Variants in VANGL2 observed in about 807,000 individuals in gnomAD.
VANGL2 encodes the protein VANGL planar cell polarity protein 2.
VANGL2 carries 14 observed loss-of-function variants against 50.2 expected under a neutral mutation model. That is an observed-to-expected ratio of 0.28 (90% CI 0.18 to 0.44). The LOEUF (loss-of-function observed/expected upper bound fraction) is 0.44. Ranked by LOEUF, VANGL2 falls within the 20% of genes least tolerant of loss-of-function variation. The probability of loss-of-function intolerance (pLI) is 1.00; values close to 1 mark genes in which losing one functional copy is unlikely to be tolerated. For synonymous variants in VANGL2, 295 were observed against 297.2 expected (o/e 0.99, Z 0.08); for missense variants, 533 against 701.5 (o/e 0.76, Z 2.71).
chr1:160,405,143 G>A (rs563387218), intron 1 of VANGL2, among the ~76,000 whole-genome samples: 52 of 152,194 alleles, frequency 3.4e-4, no homozygotes, highest in Middle Eastern at 6.8e-3. Flanking sequence ...TCCTTGTGGG[G>A]AGCCATCTCC....
At chr1:160,401,889 C>T (rs1650477348) in intron 1 of VANGL2, among the ~76,000 whole-genome samples, 1 of 151,548 alleles carries the variant, frequency 6.6e-6, no homozygotes, top group South Asian at 2.1e-4. Flanking sequence ...TTGTGTGTAA[C>T]CTGTGTTGAT....
Position 160,425,132 on chromosome 1 carries a change from A to G in VANGL2, c.1320A>G (p.Arg440=). The change falls in exon 8 of 8, where the codon CGA becomes CGG. Residue 440 remains arginine (R), a synonymous_variant. Coordinates refer to ENST00000368061, the MANE Select transcript of VANGL2 (RefSeq NM_020335.3). ...TTCCACTTCAGGCCTTCTTGGAGCG[A>G]TACTTGGCGGCTGGACCTACCATCC... ...HDMTPKAFLE[R]YLAAGPTIQY... is the part of the protein sequence containing the mutation. 1 of 1,614,078 alleles carries G rather than the reference A, an allele frequency of 6.2e-7. No homozygotes were observed. The highest frequency in any genetic ancestry group is 1.1e-5 in the South Asian group (1 of 91,084).
intron 1 of VANGL2, among the ~76,000 whole-genome samples, 189 bp downstream of exon 1, chr1:160,401,058 C>T (rs2101939091): frequency 6.6e-6 from 1 of 151,804 alleles, no homozygotes. Context: ...CGGTCCGCTT[C>T]CCCACTGCAC....
rs368510439 is a variant in VANGL2 at position 160,401,153 on chromosome 1, C to T, written c.-191+284C>T. ...CCAGGCCTGGAGAGCCGGGGACTTTCCTGGGCCCGGGCGGGGGCCTTAATG... is the reference window on the plus strand; with the variant it reads ...CCAGGCCTGGAGAGCCGGGGACTTTTCTGGGCCCGGGCGGGGGCCTTAATG... On this transcript the variant is annotated intron_variant, in intron 1 of 7. Transcript: ENST00000368061. 3.2e-4 allele frequency among the ~76,000 whole-genome samples: 49 copies of T among 152,112 alleles called. No homozygotes were observed. In the South Asian group the frequency reaches 9.6e-3, roughly 30 times the overall value.
At chr1:160,411,647 G>A (rs1338464385) in intron 1 of VANGL2, among the ~76,000 whole-genome samples, 1 of 152,120 alleles carries the variant, frequency 6.6e-6, no homozygotes, top group Non-Finnish European at 1.5e-5. Context: ...GTGTTTTGGT[G>A]CTTTTTGGGC....
In VANGL2 at chr1:160,420,350, C is replaced by T. The variant is rs544731565; in HGVS notation, c.801-61C>T. On this transcript the variant is annotated intron_variant, in intron 4 of 7. Transcript: ENST00000368061. ...CCTGCCAACCTGCCCTAATGTGTCC[C>T]TTTCCCCTGTGCCCCTTGGTCTGTC... 1.4e-4 allele frequency: 221 copies of T among 1,610,084 alleles called. No homozygotes were observed. In the African/African-American group the frequency reaches 2.1e-3, roughly 16 times the overall value.
intron 1 of VANGL2, among the ~76,000 whole-genome samples, chr1:160,410,698 ACGC>A (rs1650852544): frequency 1.2e-5 from 1 of 80,324 alleles, no homozygotes; most frequent in East Asian, 2.8e-4. Flanking sequence ...ACACACACAC[ACGC>A]ACGCACGCAC....
chr1:160,424,425 T>C, intron 7 of VANGL2, 142 bp downstream of exon 7: 1 of 908,060 alleles, frequency 1.1e-6, no homozygotes, highest in East Asian at 2.6e-5. Context: ...TATAATCTTC[T>C]CTCTCATTCC....
At chr1:160,404,167 C>T (rs11265386) in intron 1 of VANGL2, among the ~76,000 whole-genome samples, 32,041 of 152,072 alleles carry the variant, frequency 0.21, 4,166 homozygotes, top group Non-Finnish European at 0.29. Flanking sequence ...TTTGGCCGAC[C>T]ACATTAGGCA....
rs933425244 is a variant in VANGL2, at chr1:160,428,113, C to T, written c.*2735C>T. The T allele has an allele frequency of 1.3e-5, 2 of 152,636 alleles. No individual in the cohort carries two copies. Among genetic ancestry groups the T allele is most frequent in the Non-Finnish European group, 2.9e-5 (2 of 68,080 alleles). The allele number at this position is 152,636 out of a possible 1,614,324, so 9.5% of individuals were successfully genotyped here. A position where few individuals can be genotyped will look rare whatever the true frequency, so the allele number is the denominator to read the frequency against. On this transcript the variant is annotated 3_prime_UTR_variant, in exon 8 of 8. Transcript: ENST00000368061. ...TTCAGCCCTTAACTTTTCTCTTTCC[C>T]ATCTCCACTCAGTATTCCAATGGCA...
chr1:160,423,694 A>T (rs1185840751), intron 6 of VANGL2, among the ~76,000 whole-genome samples: 1 of 152,234 alleles, frequency 6.6e-6, no homozygotes, highest in East Asian at 1.9e-4. Context: ...TGTCATTTTG[A>T]TGTAATCATA....
intron 3 of VANGL2, among the ~76,000 whole-genome samples, chr1:160,418,173 G>A (rs959249662): frequency 1.3e-5 from 2 of 152,072 alleles, no homozygotes; most frequent in East Asian, 1.9e-4. Context: ...TGCCCACCTC[G>A]GCCTCCCAAA....
intron 1 of VANGL2, among the ~76,000 whole-genome samples, chr1:160,410,524 G>A (rs1233093869): frequency 1.3e-5 from 2 of 152,122 alleles, no homozygotes; most frequent in Non-Finnish European, 2.9e-5. Context: ...AGCTGCCTGC[G>A]TCTGGTCATC....
At chr1:160,424,308 C>T (rs745494522) in intron 7 of VANGL2, 25 bp downstream of exon 7, 2 of 1,603,056 alleles carry the variant, frequency 1.2e-6, no homozygotes, top group Non-Finnish European at 1.7e-6. Flanking sequence ...CTGCCAGCAT[C>T]CTTCCTCCTT....
chr1:160,404,167 C>A (rs11265386), intron 1 of VANGL2, among the ~76,000 whole-genome samples: 4 of 152,014 alleles, frequency 2.6e-5, no homozygotes, highest in African/African-American at 9.7e-5. Flanking sequence ...TTTGGCCGAC[C>A]ACATTAGGCA....
At position 160,424,137 on chromosome 1, in the gene VANGL2, C is replaced by T; in HGVS notation, c.1159C>T (p.Pro387Ser). The change falls in exon 7 of 8, where the codon CCC becomes TCC. Residue 387 changes from proline to serine, a missense_variant. By Grantham distance (74) the Pro-to-Ser change is moderately conservative (BLOSUM62 -1). Coordinates refer to ENST00000368061, the MANE Select transcript of VANGL2 (RefSeq NM_020335.3). Reference sequence around the variant, plus strand: ...GAAAAACCCCAGGGAGGTGATGGACCCCCGGGAGGCAGCCCAAGCCATCTT... The same window carrying T: ...GAAAAACCCCAGGGAGGTGATGGACTCCCGGGAGGCAGCCCAAGCCATCTT... ...EQKNPREVMD[P>S]REAAQAIFAS... is the part of the protein sequence containing the mutation. 2 of 1,614,142 alleles carry T rather than the reference C, an allele frequency of 1.2e-6. No individual in the cohort carries two copies. Among genetic ancestry groups the T allele is most frequent in the Non-Finnish European group, 1.7e-6 (2 of 1,180,004 alleles).
Position 160,420,473 on chromosome 1 carries a change from C to T in VANGL2, c.863C>T (p.Pro288Leu). The T allele has an allele frequency of 6.2e-7, 1 of 1,614,122 alleles. No homozygotes were observed. The highest frequency in any genetic ancestry group is 8.5e-7 in the Non-Finnish European group (1 of 1,180,022). Residue 288 changes from proline (P) to leucine (L), a missense_variant, in exon 5 of 8, where the codon CCT (proline) becomes CTT (leucine). By Grantham distance (98) the Pro-to-Leu change is moderately conservative (BLOSUM62 -3). Coordinates refer to ENST00000368061, the MANE Select transcript of VANGL2 (RefSeq NM_020335.3). The stretch of plus-strand genomic sequence containing the variant: ...TACCATGACTTCCCTGTCTACAACC[C>T]TGCCCTCCTCAACCTGCCCAAGTCC... ...KYYHDFPVYN[P>L]ALLNLPKSVL...
In VANGL2 at chr1:160,421,163, G is replaced by A. The variant is rs768050952; in HGVS notation, c.1049G>A (p.Arg350Gln). The change falls in exon 6 of 8, where the codon CGA becomes CAA. Residue 350 changes from arginine (R) to glutamine (Q), a missense_variant. Physicochemically the swap from Arg to Gln is conservative, Grantham distance 43. Transcript: ENST00000368061. ...TACTATGAGGAGGCTGAGCATGAGC[G>A]AAGGGTGCGCAAGAGGAGGGCCAGG... Reference protein sequence around the residue: ...EYYYEEAEHERRVRKRRARLV... With the variant: ...EYYYEEAEHEQRVRKRRARLV... The A allele has an allele frequency of 5.0e-6, 8 of 1,613,740 alleles. No individual in the cohort carries two copies. The highest frequency in any genetic ancestry group is 3.3e-5 in the South Asian group (3 of 91,068).
rs954720445 is a variant in VANGL2, at chr1:160,428,634, A to C, written c.*3256A>C. On this transcript the variant is annotated 3_prime_UTR_variant, in exon 8 of 8. Coordinates refer to ENST00000368061, the MANE Select transcript of VANGL2 (RefSeq NM_020335.3). ...TAAACATAGGAACTAAAACTGTACAAATTTTTTTTATATAAAATAAAGACA... is the reference window on the plus strand; with the variant it reads ...TAAACATAGGAACTAAAACTGTACACATTTTTTTTATATAAAATAAAGACA... 28 of 152,560 alleles carry C rather than the reference A, an allele frequency of 1.8e-4. No homozygotes were observed. Among genetic ancestry groups the C allele is most frequent in the Admixed American group, 1.5e-3 (23 of 15,280 alleles). 9.5% of individuals were successfully genotyped at this position (152,560 alleles called of 1,614,324 possible). A position where few individuals can be genotyped will look rare whatever the true frequency, so the allele number is the denominator to read the frequency against.
Sources: gnomAD v4.1 joint callset for allele counts (sites outside exome capture counted in the v4.1 genomes callset) on GRCh38, gnomAD v4.1.1 for gene constraint, MANE v1.5 for transcripts, NCBI Gene and HGNC (gene_info 2026-07-23, HGNC 2026-07-21) for gene names.